CNTN5: variants seen among roughly 807,000 people sequenced by gnomAD.
The protein encoded by CNTN5 is contactin-5.
CNTN5 carries 77 observed loss-of-function variants against 129.1 expected under a neutral mutation model. The observed-to-expected ratio is 0.60, with a 90% CI of 0.50 to 0.72. CNTN5 has a LOEUF of 0.72. CNTN5 is among the 30% of genes least tolerant of loss of function. The pLI is 0.00. For missense variants in CNTN5, 1,478 were observed against 1,328.8 expected, an observed-to-expected ratio of 1.11 and a Z score of -1.75; for synonymous variants, 509 against 465.6, an observed-to-expected ratio of 1.09 and a Z score of -1.20.
intron 4 of CNTN5, among the ~76,000 whole-genome samples, chr11:99,821,692 G>A (rs78602853): frequency 0.035 from 5,308 of 152,142 alleles, 136 homozygotes; most frequent in South Asian, 0.099. Flanking sequence ...CTCTAAAACT[G>A]TGCTCCTCAA....
At chr11:99,869,356 C>T (rs1216102810) in intron 6 of CNTN5, among the ~76,000 whole-genome samples, 1 of 151,960 alleles carries the variant, frequency 6.6e-6, no homozygotes, top group Non-Finnish European at 1.5e-5. Context: ...AGATATGGCC[C>T]TTTGTGTTAT....
intron 4 of CNTN5, among the ~76,000 whole-genome samples, chr11:99,840,238 G>T (rs1947440916): frequency 6.6e-6 from 1 of 152,082 alleles, no homozygotes; most frequent in South Asian, 2.1e-4. Context: ...CTGCCAAGTT[G>T]TCTCTTAATG....
chr11:99,685,970 C>A (rs1953773784), intron 3 of CNTN5, among the ~76,000 whole-genome samples: 1 of 151,794 alleles, frequency 6.6e-6, no homozygotes, highest in Non-Finnish European at 1.5e-5. Flanking sequence ...CTTTACTATT[C>A]TTTTACAGAT....
chr11:99,944,870 T>C (rs1436813551), intron 7 of CNTN5, among the ~76,000 whole-genome samples: 1 of 151,950 alleles, frequency 6.6e-6, no homozygotes. Context: ...AGGACACAAA[T>C]AAATGGAAAT....
chr11:100,083,078 G>A (rs995369850), intron 13 of CNTN5, among the ~76,000 whole-genome samples: 4 of 152,086 alleles, frequency 2.6e-5, no homozygotes, highest in Non-Finnish European at 5.9e-5. Context: ...CATTTTGGGA[G>A]GCTGAGGCAG....
chr11:100,288,172 A>C (rs1174199972), intron 18 of CNTN5, among the ~76,000 whole-genome samples: 97 of 152,192 alleles, frequency 6.4e-4, no homozygotes, highest in Non-Finnish European at 8.7e-4. Flanking sequence ...GACTTTAACA[A>C]CCCACTGTCA....
intron 1 of CNTN5, among the ~76,000 whole-genome samples, chr11:99,176,252 C>T (rs1857766812): frequency 6.6e-6 from 1 of 152,042 alleles, no homozygotes; most frequent in Admixed American, 6.6e-5. Context: ...CTGTCCCAGA[C>T]CGAGAGGTTA....
intron 15 of CNTN5, among the ~76,000 whole-genome samples, chr11:100,221,784 T>G (rs1463932331): frequency 1.3e-5 from 2 of 151,864 alleles, no homozygotes; most frequent in Non-Finnish European, 2.9e-5. Flanking sequence ...CAGGATTTGT[T>G]CATAAGGTCA....
chr11:100,288,061 T>C (rs974653447), intron 18 of CNTN5, among the ~76,000 whole-genome samples: 6 of 151,972 alleles, frequency 3.9e-5, no homozygotes, highest in African/African-American at 1.5e-4. Flanking sequence ...GAGCTAACTA[T>C]CCTAAATATA....
At chr11:100,285,866 T>C (rs901270543) in intron 18 of CNTN5, among the ~76,000 whole-genome samples, 12 of 151,934 alleles carry the variant, frequency 7.9e-5, no homozygotes, top group Non-Finnish European at 1.5e-4. Context: ...CACTAGGGAG[T>C]GCCAGACAGT....
chr11:99,915,968 C>T (rs776537854), intron 6 of CNTN5, 86 bp from the exon 7 acceptor site: 27 of 1,024,364 alleles, frequency 2.6e-5, no homozygotes, highest in East Asian at 7.8e-5. Flanking sequence ...GTGAAGATAA[C>T]GATAGAAAGT....
At chr11:99,959,505 C>T (rs1400617973) in intron 8 of CNTN5, among the ~76,000 whole-genome samples, 1 of 152,170 alleles carries the variant, frequency 6.6e-6, no homozygotes, top group African/African-American at 2.4e-5. Context: ...CCATCCTGTA[C>T]TATTGAGAAT....
At chr11:99,336,490 A>G (rs1178293075) in intron 2 of CNTN5, among the ~76,000 whole-genome samples, 2 of 152,192 alleles carry the variant, frequency 1.3e-5, no homozygotes, top group Non-Finnish European at 2.9e-5. Context: ...GTGAAATAAA[A>G]GTGACTTTTT....
At chr11:99,199,211 G>T (rs1364228169) in intron 1 of CNTN5, among the ~76,000 whole-genome samples, 1 of 152,036 alleles carries the variant, frequency 6.6e-6, no homozygotes, top group Admixed American at 6.6e-5. Flanking sequence ...AATTTTTCAA[G>T]TCCCATTGGT....
chr11:99,121,401 G>A (rs770172609), intron 1 of CNTN5, among the ~76,000 whole-genome samples: 2 of 152,086 alleles, frequency 1.3e-5, no homozygotes, highest in Non-Finnish European at 2.9e-5. Context: ...CCAAAGTGCT[G>A]GGCTTACAGG....
At chr11:99,395,268 G>A (rs1297914695) in intron 2 of CNTN5, among the ~76,000 whole-genome samples, 2 of 151,892 alleles carry the variant, frequency 1.3e-5, no homozygotes, top group Admixed American at 1.3e-4. Context: ...TTGTGGTTTT[G>A]ATTTGCATTT....
Position 99,967,438 on chromosome 11 carries a change from A to G in CNTN5, c.877+10429A>G, listed in dbSNP as rs369996150. Among the ~76,000 whole-genome samples, 27 of 152,268 alleles carry G rather than the reference A, an allele frequency of 1.8e-4. No homozygotes were observed. The East Asian group carries it at 4.8e-3, about 27-fold the overall frequency. ...ACGTAACTATCCTTGTGTAGCTTCC[A>G]ATCCAATATGAGGTAGGATATTCCC... is the stretch of plus-strand genomic sequence containing the variant. On this transcript the variant is annotated intron_variant, in intron 8 of 24. Transcript: ENST00000524871.
chr11:99,986,882 G>A (rs990353166), intron 8 of CNTN5, among the ~76,000 whole-genome samples: 10 of 151,924 alleles, frequency 6.6e-5, no homozygotes, highest in Admixed American at 6.6e-4. Flanking sequence ...TAAAAATAAG[G>A]GAATGAAAAA....
At chr11:99,390,560 C>A (rs1941208935) in intron 2 of CNTN5, among the ~76,000 whole-genome samples, 1 of 152,048 alleles carries the variant, frequency 6.6e-6, no homozygotes, top group South Asian at 2.1e-4. Context: ...AGATTCACAC[C>A]ATATTATGTT....
Sources: gnomAD v4.1 joint callset for allele counts (sites outside exome capture counted in the v4.1 genomes callset) on GRCh38, gnomAD v4.1.1 for gene constraint, MANE v1.5 for transcripts, NCBI Gene and HGNC (gene_info 2026-07-23, HGNC 2026-07-21) for gene names.